L3HYPDH: variants seen among roughly 807,000 people sequenced by gnomAD.
L3HYPDH encodes the protein trans-3-hydroxy-L-proline dehydratase.
L3HYPDH carries 32 observed loss-of-function variants against 26.5 expected under a neutral mutation model. The observed-to-expected ratio is 1.21, with a 90% CI of 0.91 to 1.62. L3HYPDH has a LOEUF of 1.62. Among genes scored for constraint, L3HYPDH ranks in the 40% most tolerant of loss-of-function variants. The pLI is 0.00. For synonymous variants in L3HYPDH, 215 were observed against 196.6 expected, an observed-to-expected ratio of 1.09 and a Z score of -0.78; for missense variants, 554 against 476.4, an observed-to-expected ratio of 1.16 and a Z score of -1.52.
At chr14:59,504,283 T>G in the L3HYPDH span, 4 of 545,284 alleles carry the variant, frequency 7.3e-6, no homozygotes, top group South Asian at 1.0e-4. Flanking sequence ...CAGGGTAATA[T>G]TATCTGCTAC....
At chr14:59,486,683 G>T (rs1382861591), upstream of L3HYPDH, 14 of 1,417,990 alleles carry the variant, frequency 9.9e-6, no homozygotes, top group Admixed American at 3.0e-4. Flanking sequence ...CACAAAAGAT[G>T]TTACTATACT....
Position 59,473,177 on chromosome 14 carries a change from G to A in L3HYPDH, c.940-87C>T, listed in dbSNP as rs556031451. On this transcript the variant is annotated intron_variant, in intron 4 of 4. Coordinates refer to ENST00000247194, the MANE Select transcript of L3HYPDH (RefSeq NM_144581.2). The stretch of plus-strand genomic sequence containing the variant: ...AAACTGTACTCTTGACTTTTATCAT[G>A]TGAAGGAAAGGCCAAGGGTTAATCC... 21 of 1,269,600 alleles carry A rather than the reference G, an allele frequency of 1.7e-5. No individual in the cohort carries two copies. In the East Asian group the frequency reaches 5.5e-4, roughly 33 times the overall value. 78.6% of individuals were successfully genotyped at this position (1,269,600 alleles called of 1,614,324 possible).
upstream of L3HYPDH, chr14:59,484,852 T>G: frequency 1.8e-6 from 2 of 1,088,418 alleles, no homozygotes; most frequent in Non-Finnish European, 1.3e-6. Context: ...GTCTCTTCAG[T>G]CCCTTAGTTT....
chr14:59,498,969 CTAGATT>C, the L3HYPDH span: 1 of 637,500 alleles, frequency 1.6e-6, no homozygotes, highest in South Asian at 4.6e-5. Context: ...AATATTTCCT[CTAGATT>C]TAATTTTGGA....
At chr14:59,498,508 T>G in the L3HYPDH span, among the ~76,000 whole-genome samples, 1 of 152,220 alleles carries the variant, frequency 6.6e-6, no homozygotes, top group Admixed American at 6.5e-5. Flanking sequence ...TTAGGATTTT[T>G]GGTACATATT....
chr14:59,481,085 C>T lies in L3HYPDH; in HGVS notation c.509-1734G>A, dbSNP rs540802210. Among the ~76,000 whole-genome samples the T allele has an allele frequency of 3.3e-5, 5 of 152,258 alleles. No homozygotes were observed. In the South Asian group the frequency reaches 1.0e-3, roughly 32 times the overall value. ...GCCTACAATCATTTCCCTGGCCCAA[C>T]CTTTCTAGAATCTTGGGTCTGGTTT... On this transcript the variant is annotated intron_variant, in intron 1 of 4. Transcript: ENST00000247194.
intron 1 of L3HYPDH, among the ~76,000 whole-genome samples, chr14:59,479,673 G>C (rs1281674286): frequency 6.6e-6 from 1 of 152,090 alleles, no homozygotes; most frequent in Non-Finnish European, 1.5e-5. Context: ...GAAACCCAAG[G>C]GCATCCCTGT....
At chr14:59,484,882 C>A, upstream of L3HYPDH, 2 of 1,305,186 alleles carry the variant, frequency 1.5e-6, no homozygotes, top group Non-Finnish European at 1.0e-6. Flanking sequence ...GGAACACTTG[C>A]TTGAGGGTTG....
chr14:59,483,595 A>C, intron 1 of L3HYPDH: 1 of 1,431,212 alleles, frequency 7.0e-7, no homozygotes. Context: ...GTCTCCCAAA[A>C]CCACAGGCGG....
intron 3 of L3HYPDH, 21 bp downstream of exon 3, chr14:59,476,071 T>C (rs748009012): frequency 1.2e-6 from 2 of 1,613,818 alleles, no homozygotes; most frequent in Non-Finnish European, 1.7e-6. Flanking sequence ...CTTTTGTCCC[T>C]AAACATTACA....
At chr14:59,483,513 C>T (rs1261225791) in intron 1 of L3HYPDH, 1 of 1,337,980 alleles carries the variant, frequency 7.5e-7, no homozygotes, top group Admixed American at 3.7e-5. Flanking sequence ...CCGGTGAAAT[C>T]TCTAGGAATG....
the L3HYPDH span, chr14:59,503,783 T>C: frequency 1.7e-5 from 15 of 880,600 alleles, no homozygotes; most frequent in African/African-American, 1.9e-4. Context: ...TATTAAGTTA[T>C]ATTAAATTAC....
the L3HYPDH span, among the ~76,000 whole-genome samples, chr14:59,502,270 G>A: frequency 6.6e-6 from 1 of 152,044 alleles, no homozygotes. Flanking sequence ...TTGTTCTAAG[G>A]CCAAACTCTA....
chr14:59,494,706 A>G, the L3HYPDH span, among the ~76,000 whole-genome samples: 1 of 152,052 alleles, frequency 6.6e-6, no homozygotes, highest in African/African-American at 2.4e-5. Context: ...CTTTCTAACA[A>G]ACACGTTACA....
chr14:59,484,590 A>G, upstream of L3HYPDH: 3 of 1,578,334 alleles, frequency 1.9e-6, no homozygotes, highest in Non-Finnish European at 2.6e-6. Flanking sequence ...CAGGCGGCCC[A>G]TGGGTGAGTG....
the L3HYPDH span, among the ~76,000 whole-genome samples, chr14:59,490,478 T>C: frequency 6.6e-6 from 1 of 152,346 alleles, no homozygotes; most frequent in South Asian, 2.1e-4. Context: ...TCATTTGATG[T>C]ATATTTTAGG....
At chr14:59,503,845 AT>A in the L3HYPDH span, 1 of 1,582,654 alleles carries the variant, frequency 6.3e-7, no homozygotes, top group Non-Finnish European at 8.7e-7. Flanking sequence ...CTTTTACAAA[AT>A]TATATAGAAC....
the L3HYPDH span, chr14:59,501,077 A>C: frequency 1.5e-6 from 1 of 669,608 alleles, no homozygotes; most frequent in African/African-American, 1.9e-5. Flanking sequence ...TAAGTCTCAC[A>C]GAACTGGTTG....
At position 59,476,162 on chromosome 14, in the gene L3HYPDH, A is replaced by G. The variant is rs1187254697; in HGVS notation, c.731T>C (p.Ile244Thr). ...ATAAGCATCTTTTCCATCTGTTAAT[A>G]TAGTTCCATATAAAAAGGCAAGGTC... Reference protein sequence around the residue: ...SEDLAFLYGTILTDGKDAYTK... With the variant: ...SEDLAFLYGTTLTDGKDAYTK... Residue 244 changes from isoleucine (I) to threonine (T), a missense_variant, in exon 3 of 5, where the codon ATA becomes ACA. Physicochemically the swap from Ile to Thr is moderately conservative, Grantham distance 89. Coordinates refer to ENST00000247194, the MANE Select transcript of L3HYPDH (RefSeq NM_144581.2). 1.2e-6 allele frequency: 2 copies of G among 1,613,234 alleles called. No individual in the cohort carries two copies. Among genetic ancestry groups the G allele is most frequent in the South Asian group, 1.1e-5 (1 of 91,036 alleles).
Sources: allele counts gnomAD v4.1 joint callset (sites outside exome capture counted in the v4.1 genomes callset), GRCh38; gene constraint gnomAD v4.1.1; transcripts MANE v1.5; gene names NCBI Gene and HGNC (gene_info 2026-07-23, HGNC 2026-07-21).